The following FTO variants were observed in gnomAD, a reference collection of about 807,000 sequenced individuals.
FTO encodes FTO alpha-ketoglutarate dependent dioxygenase.
A neutral mutation model predicts 63.9 loss-of-function variants in FTO; 47 were observed. The ratio of observed to expected loss-of-function variants is 0.74; its 90% CI spans 0.58 to 0.94. The LOEUF is 0.94. Ranked by LOEUF, FTO falls within the 40% of genes least tolerant of loss-of-function variation. The pLI is 0.00. For synonymous variants in FTO, 207 were observed against 224.4 expected, an observed-to-expected ratio of 0.92 and a Z score of 0.69; for missense variants, 562 against 618.1, an observed-to-expected ratio of 0.91 and a Z score of 0.96.
In FTO at chr16:53,867,749, A is replaced by C. The variant is rs1598865158; in HGVS notation, c.896-6037A>C. Reference sequence around the variant, plus strand: ...TATTGCTCAGTTCAACTATGTCCTTAATGATTTTCTGCCTGCTGTATCTGT... The same window carrying C: ...TATTGCTCAGTTCAACTATGTCCTTCATGATTTTCTGCCTGCTGTATCTGT... On this transcript the variant is annotated intron_variant, in intron 4 of 8. Transcript: ENST00000471389. 2.0e-5 allele frequency among the ~76,000 whole-genome samples: 3 copies of C among 152,142 alleles called. No homozygotes were observed. The South Asian group carries it at 6.2e-4, about 32-fold the overall frequency.
Position 53,799,121 on chromosome 16 carries a change from C to G in FTO, c.46-11019C>G, listed in dbSNP as rs758014634. Among the ~76,000 whole-genome samples the G allele has an allele frequency of 5.3e-5, 8 of 152,204 alleles. No homozygotes were observed. In the East Asian group the frequency reaches 1.5e-3, roughly 29 times the overall value. On this transcript the variant is annotated intron_variant, in intron 1 of 8. Transcript: ENST00000471389. ...CTTTTTATGTGTTGTTGGATTCAGTCTGCTAACATTTTGTTAATACTTTTT... is the reference window on the plus strand; with the variant it reads ...CTTTTTATGTGTTGTTGGATTCAGTGTGCTAACATTTTGTTAATACTTTTT...
intron 8 of FTO, among the ~76,000 whole-genome samples, chr16:54,084,801 G>A (rs1223804987): frequency 2.6e-5 from 4 of 152,182 alleles, no homozygotes; most frequent in African/African-American, 9.7e-5. Context: ...GCTGCTGAGA[G>A]GGGGTAATGG....
chr16:53,976,077 T>TAATGATGTC (rs2083433572), intron 8 of FTO, among the ~76,000 whole-genome samples: 1 of 152,230 alleles, frequency 6.6e-6, no homozygotes, highest in South Asian at 2.1e-4. Context: ...TGTAAAAATT[T>TAATGATGTC]AATGATGTCT....
intron 6 of FTO, among the ~76,000 whole-genome samples, chr16:53,885,470 T>C (rs540376422): frequency 6.6e-6 from 1 of 152,326 alleles, no homozygotes; most frequent in African/African-American, 2.4e-5. Context: ...AAAATTGTGT[T>C]GGGAGAAGGT....
At chr16:53,707,650 A>G (rs1365227003) in intron 1 of FTO, among the ~76,000 whole-genome samples, 3 of 152,100 alleles carry the variant, frequency 2.0e-5, no homozygotes, top group African/African-American at 4.8e-5. Context: ...GTGTGCAGTG[A>G]TATTTGATTT....
intron 1 of FTO, among the ~76,000 whole-genome samples, chr16:53,774,959 G>C (rs1181848441): frequency 2.0e-5 from 3 of 152,168 alleles, no homozygotes; most frequent in African/African-American, 7.2e-5. Flanking sequence ...TGCAGAAAAA[G>C]TTGAAACAGC....
In FTO at chr16:53,745,917, T is replaced by C. The variant is rs549554391; in HGVS notation, c.45+41688T>C. Among the ~76,000 whole-genome samples the C allele has an allele frequency of 2.0e-5, 3 of 151,844 alleles. No individual in the cohort carries two copies. The East Asian group carries it at 5.8e-4, about 29-fold the overall frequency. ...GACCTGGCTTTACCAGCCTGGGCAA[T>C]CTAAGGATGGTGAACGTGGATTTAT... is the stretch of plus-strand genomic sequence containing the variant. On this transcript the variant is annotated intron_variant, in intron 1 of 8. Coordinates refer to ENST00000471389, the MANE Select transcript of FTO (RefSeq NM_001080432.3).
intron 1 of FTO, among the ~76,000 whole-genome samples, chr16:53,778,353 A>G (rs2077509384): frequency 6.6e-6 from 1 of 152,218 alleles, no homozygotes; most frequent in Non-Finnish European, 1.5e-5. Context: ...AAAACATCAC[A>G]TTGTACTCCA....
chr16:54,096,052 G>A (rs1013159806), intron 8 of FTO, among the ~76,000 whole-genome samples: 9 of 152,162 alleles, frequency 5.9e-5, no homozygotes, highest in African/African-American at 1.9e-4. Flanking sequence ...CAAAACCTGG[G>A]ACTTGGTGTA....
intron 1 of FTO, among the ~76,000 whole-genome samples, chr16:53,740,848 A>G (rs538568104): frequency 6.6e-6 from 1 of 152,346 alleles, no homozygotes; most frequent in East Asian, 1.9e-4. Flanking sequence ...AATTAAGACA[A>G]GGCTGAAAGG....
intron 2 of FTO, 95 bp from the exon 3 acceptor site, chr16:53,825,769 A>T (rs2078988605): frequency 6.8e-7 from 1 of 1,462,324 alleles, no homozygotes; most frequent in Admixed American, 1.7e-5. Context: ...TAGTCCCCCC[A>T]CAACTCCCCA....
At chr16:53,796,520 C>G (rs559568489) in intron 1 of FTO, among the ~76,000 whole-genome samples, 1 of 152,134 alleles carries the variant, frequency 6.6e-6, no homozygotes, top group South Asian at 2.1e-4. Context: ...TATGTGTGAT[C>G]CAATATTAGG....
At chr16:53,961,791 C>T (rs2143640410) in intron 8 of FTO, among the ~76,000 whole-genome samples, 1 of 152,316 alleles carries the variant, frequency 6.6e-6, no homozygotes, top group African/African-American at 2.4e-5. Flanking sequence ...GTGATTTGCG[C>T]TAGTCTGGCT....
At chr16:53,973,545 G>A (rs2083376073) in intron 8 of FTO, among the ~76,000 whole-genome samples, 1 of 152,140 alleles carries the variant, frequency 6.6e-6, no homozygotes, top group South Asian at 2.1e-4. Flanking sequence ...GGCTAGTTTT[G>A]AGGATAGTGT....
chr16:53,846,966 A>G (rs1208839746), intron 4 of FTO, among the ~76,000 whole-genome samples: 1 of 152,190 alleles, frequency 6.6e-6, no homozygotes, highest in Non-Finnish European at 1.5e-5. Flanking sequence ...GAAAGAATAT[A>G]AAAATCAGGT....
At chr16:54,057,680 C>G (rs1411645388) in intron 8 of FTO, among the ~76,000 whole-genome samples, 1 of 151,654 alleles carries the variant, frequency 6.6e-6, no homozygotes, top group Non-Finnish European at 1.5e-5. Context: ...ACCATGTTGC[C>G]CAGCTGGGCA....
At chr16:54,010,960 A>G (rs2084320750) in intron 8 of FTO, among the ~76,000 whole-genome samples, 1 of 152,170 alleles carries the variant, frequency 6.6e-6, no homozygotes. Context: ...GATATCTATT[A>G]TTGGATTTGG....
At chr16:54,004,089 C>G (rs2084135441) in intron 8 of FTO, among the ~76,000 whole-genome samples, 1 of 152,108 alleles carries the variant, frequency 6.6e-6, no homozygotes, top group Admixed American at 6.6e-5. Flanking sequence ...GATTTGTACC[C>G]AAACTGACTT....
At chr16:54,088,636 G>A (rs1305596348) in intron 8 of FTO, among the ~76,000 whole-genome samples, 1 of 152,144 alleles carries the variant, frequency 6.6e-6, no homozygotes, top group Non-Finnish European at 1.5e-5. Flanking sequence ...TCCAAATACG[G>A]CAGTGAATTA....
Sources: allele counts gnomAD v4.1 joint callset (sites outside exome capture counted in the v4.1 genomes callset), GRCh38; gene constraint gnomAD v4.1.1; transcripts MANE v1.5; gene names NCBI Gene and HGNC (gene_info 2026-07-23, HGNC 2026-07-21).